Variants in HIRA observed in about 807,000 individuals in gnomAD.
The protein encoded by HIRA is histone cell cycle regulator.
HIRA carries 13 observed loss-of-function variants against 126.6 expected under a neutral mutation model. That is an observed-to-expected ratio of 0.10 (90% CI 0.07 to 0.16). The LOEUF (loss-of-function observed/expected upper bound fraction) is 0.16. Among genes scored for constraint, HIRA ranks in the 10% least tolerant of loss-of-function variants. The probability of loss-of-function intolerance (pLI) is 1.00; values close to 1 mark genes in which losing one functional copy is unlikely to be tolerated. For missense variants in HIRA, 834 were observed against 1,314.4 expected, an observed-to-expected ratio of 0.63 and a Z score of 5.65; for synonymous variants, 511 against 520.0, an observed-to-expected ratio of 0.98 and a Z score of 0.24.
intron 20 of HIRA, 139 bp downstream of exon 20, chr22:19,356,091 G>A (rs2088809311): frequency 1.1e-5 from 9 of 806,820 alleles, no homozygotes; most frequent in Non-Finnish European, 1.9e-5. Flanking sequence ...TGTGTCTCCT[G>A]CAGCGTAACC....
chr22:19,357,396 C>A (rs141480322), intron 18 of HIRA, among the ~76,000 whole-genome samples: 116 of 152,332 alleles, frequency 7.6e-4, no homozygotes, highest in African/African-American at 2.4e-3. Context: ...CCACATAGTA[C>A]CCACAGGACA....
intron 12 of HIRA, 22 bp downstream of exon 12, chr22:19,385,499 C>A (rs750651631): frequency 1.5e-5 from 24 of 1,604,956 alleles, no homozygotes; most frequent in Non-Finnish European, 2.0e-5. Context: ...ATGTCTTTAG[C>A]GCCACCAGGC....
chr22:19,331,620 T>C (rs761149115), intron 24 of HIRA, 64 bp from the exon 25 acceptor site: 627 of 1,462,270 alleles, frequency 4.3e-4, no homozygotes, highest in Non-Finnish European at 5.6e-4. Flanking sequence ...GTGGGGACTT[T>C]CCTGGCCTGG....
chr22:19,388,915 G>A (rs1044299837), intron 9 of HIRA, among the ~76,000 whole-genome samples: 3 of 152,188 alleles, frequency 2.0e-5, no homozygotes, highest in African/African-American at 7.2e-5. Context: ...GGTCTATGGA[G>A]CAGGAGACAC....
chr22:19,375,006 A>C (rs975703037), intron 15 of HIRA, among the ~76,000 whole-genome samples: 2 of 152,204 alleles, frequency 1.3e-5, no homozygotes, highest in Non-Finnish European at 2.9e-5. Context: ...CTTCAGTGCC[A>C]ATGGCAGAGG....
At chr22:19,367,007 C>T (rs989491540) in intron 15 of HIRA, among the ~76,000 whole-genome samples, 2 of 152,294 alleles carry the variant, frequency 1.3e-5, no homozygotes, top group East Asian at 3.9e-4. Context: ...AGATGAACCA[C>T]CCACCTCGGC....
intron 22 of HIRA, among the ~76,000 whole-genome samples, 161 bp from the exon 23 acceptor site, chr22:19,353,680 T>C (rs1236763781): frequency 6.6e-6 from 1 of 152,202 alleles, no homozygotes; most frequent in Non-Finnish European, 1.5e-5. Flanking sequence ...CCAGATCTGT[T>C]GTCTGCCCAT....
rs1291148491 is a variant in HIRA, at chr22:19,374,135, C to T, written c.1775+1496G>A. On this transcript the variant is annotated intron_variant, in intron 15 of 24. Transcript: ENST00000263208. ...ATCACCTGAGGTCAGGAGTTTGAGA[C>T]CAGCGTGGCCAACATGGTGAAACCC... 6.6e-5 allele frequency among the ~76,000 whole-genome samples: 10 copies of T among 151,902 alleles called. No individual in the cohort carries two copies. The East Asian group carries it at 2.0e-3, about 30-fold the overall frequency.
chr22:19,345,917 A>G (rs2088681625), intron 24 of HIRA, among the ~76,000 whole-genome samples: 1 of 152,148 alleles, frequency 6.6e-6, no homozygotes, highest in Admixed American at 6.5e-5. Flanking sequence ...AGAAATCTGA[A>G]CCTTTGGTGT....
chr22:19,370,256 A>G (rs5746726), intron 15 of HIRA, among the ~76,000 whole-genome samples: 23,830 of 151,234 alleles, frequency 0.16, 3,965 homozygotes, highest in African/African-American at 0.42. Context: ...TTTTGTTTTT[A>G]TTCTTGTTTT....
At chr22:19,404,242 G>C (rs2089291393) in intron 5 of HIRA, among the ~76,000 whole-genome samples, 1 of 152,182 alleles carries the variant, frequency 6.6e-6, no homozygotes, top group South Asian at 2.1e-4. Flanking sequence ...GGACCAGTGA[G>C]TAATGAGTGT....
At chr22:19,394,767 C>G (rs1476325182) in intron 7 of HIRA, among the ~76,000 whole-genome samples, 3 of 152,166 alleles carry the variant, frequency 2.0e-5, no homozygotes, top group Non-Finnish European at 4.4e-5. Context: ...GAAGTGTATG[C>G]CCTGAGGAGA....
chr22:19,425,205 T>G (rs2089479709), intron 1 of HIRA, among the ~76,000 whole-genome samples: 1 of 152,206 alleles, frequency 6.6e-6, no homozygotes, highest in African/African-American at 2.4e-5. Context: ...CCCTACAATA[T>G]TTGCAACACT....
At chr22:19,350,026 T>C (rs2088737710) in intron 24 of HIRA, among the ~76,000 whole-genome samples, 1 of 151,924 alleles carries the variant, frequency 6.6e-6, no homozygotes, top group Admixed American at 6.6e-5. Flanking sequence ...CTCGCTCTAT[T>C]GCCCAGACTG....
chr22:19,369,570 G>C (rs2088946143), intron 15 of HIRA, among the ~76,000 whole-genome samples: 1 of 152,098 alleles, frequency 6.6e-6, no homozygotes, highest in Non-Finnish European at 1.5e-5. Flanking sequence ...GGGGACCTGG[G>C]CCTAACTTGC....
intron 1 of HIRA, among the ~76,000 whole-genome samples, chr22:19,422,237 A>G (rs1569314820): frequency 6.7e-6 from 1 of 149,560 alleles, no homozygotes; most frequent in Non-Finnish European, 1.5e-5. Flanking sequence ...ATATACATAT[A>G]AACACATATA....
chr22:19,421,465 T>C (rs1333065141), intron 1 of HIRA, among the ~76,000 whole-genome samples: 1 of 152,254 alleles, frequency 6.6e-6, no homozygotes, highest in African/African-American at 2.4e-5. Flanking sequence ...ATAATGTGCA[T>C]ACACTAAATG....
chr22:19,359,018 C>A (rs1851050881), intron 18 of HIRA, among the ~76,000 whole-genome samples: 1 of 152,186 alleles, frequency 6.6e-6, no homozygotes, highest in Non-Finnish European at 1.5e-5. Context: ...GCCAGGCACA[C>A]CTCAGTGTGG....
intron 19 of HIRA, 64 bp from the exon 20 acceptor site, chr22:19,356,352 G>A: frequency 6.9e-7 from 1 of 1,448,770 alleles, no homozygotes; most frequent in Non-Finnish European, 9.7e-7. Flanking sequence ...GTGTGCCTTG[G>A]CTGCTCAGAC....
Sources: gnomAD v4.1 joint callset for allele counts (sites outside exome capture counted in the v4.1 genomes callset) on GRCh38, gnomAD v4.1.1 for gene constraint, MANE v1.5 for transcripts, NCBI Gene and HGNC (gene_info 2026-07-23, HGNC 2026-07-21) for gene names.